NAA40: variants seen among roughly 807,000 people sequenced by gnomAD.
NAA40 encodes N-alpha-acetyltransferase 40.
A neutral mutation model predicts 36.6 loss-of-function variants in NAA40; 26 were observed. That is an observed-to-expected ratio of 0.71 (90% confidence interval 0.52 to 0.98). NAA40 has a LOEUF of 0.98. Among genes scored for constraint, NAA40 ranks in the 50% least tolerant of loss-of-function variants. The probability of loss-of-function intolerance (pLI) is 0.00; values close to 1 mark genes in which losing one functional copy is unlikely to be tolerated. For missense variants in NAA40, 237 were observed against 306.5 expected, an observed-to-expected ratio of 0.77 and a Z score of 1.69; for synonymous variants, 129 against 108.4, an observed-to-expected ratio of 1.19 and a Z score of -1.18.
intron 1 of NAA40, chr11:63,939,587 C>T: frequency 1.5e-6 from 1 of 646,220 alleles, no homozygotes; most frequent in Non-Finnish European, 1.9e-6. Context: ...AATCCCAGTC[C>T]ACTGCCCTTC....
chr11:63,946,621 T>A, intron 2 of NAA40: 1 of 1,308,262 alleles, frequency 7.6e-7, no homozygotes, highest in Non-Finnish European at 9.8e-7. Context: ...TGTAACCAGG[T>A]AAAGTCAGTG....
At chr11:63,939,446 C>T (rs1009448925) in intron 1 of NAA40, 1 of 1,089,934 alleles carries the variant, frequency 9.2e-7, no homozygotes, top group Non-Finnish European at 1.1e-6. Context: ...CATCACCTGG[C>T]TGTCACCAGC....
intron 2 of NAA40, 92 bp downstream of exon 2, chr11:63,946,027 G>A: frequency 8.9e-7 from 1 of 1,121,014 alleles, no homozygotes; most frequent in South Asian, 1.3e-5. Context: ...TGGCAGAATT[G>A]TGACACTACC....
chr11:63,951,965 T>C (rs942294788), intron 3 of NAA40, among the ~76,000 whole-genome samples: 12 of 152,204 alleles, frequency 7.9e-5, no homozygotes, highest in African/African-American at 2.9e-4. Flanking sequence ...GACAAGAAGT[T>C]TACAAAGTGC....
intron 6 of NAA40, 82 bp downstream of exon 6, chr11:63,952,921 T>G (rs1942304840): frequency 1.6e-6 from 2 of 1,258,898 alleles, no homozygotes; most frequent in Non-Finnish European, 2.3e-6. Context: ...TCTTTGAGCC[T>G]TGTTGGAGGA....
intron 1 of NAA40, among the ~76,000 whole-genome samples, chr11:63,944,863 A>C (rs1460700441): frequency 6.8e-6 from 1 of 147,438 alleles, no homozygotes; most frequent in East Asian, 2.0e-4. Context: ...AGATCTCACC[A>C]CTGCATTCCA....
chr11:63,946,844 C>T lies in NAA40; in HGVS notation c.103-107C>T, dbSNP rs766359736. The T allele has an allele frequency of 2.4e-5, 39 of 1,600,660 alleles. No individual in the cohort carries two copies. In the Admixed American group the frequency reaches 4.1e-4, roughly 17 times the overall value. ...GCTCCTGGTTCTGAAGTTAGTCTCC[C>T]GTTGTGGGTCCCCACAGCATCCCAC... is the stretch of plus-strand genomic sequence containing the variant. On this transcript the variant is annotated intron_variant, in intron 2 of 7. Transcript: ENST00000377793.
In NAA40 at chr11:63,956,958, G is replaced by T. The variant is rs1307135862; in HGVS notation, c.*2479G>T. On this transcript the variant is annotated 3_prime_UTR_variant, in exon 8 of 8. Coordinates refer to ENST00000377793, the MANE Select transcript of NAA40 (RefSeq NM_024771.4). ...ATTGCACTCCAGCCTAGGCGACAGA[G>T]TGAGACTCCATCTCAAAAAAAAAAA... is the stretch of plus-strand genomic sequence containing the variant. The T allele has an allele frequency of 6.7e-6, 1 of 149,504 alleles. No homozygotes were observed. The highest frequency in any genetic ancestry group is 1.5e-5 in the Non-Finnish European group (1 of 67,610). 9.3% of individuals were successfully genotyped at this position (149,504 alleles called of 1,614,324 possible).
chr11:63,950,499 C>A (rs1194465379), intron 3 of NAA40, among the ~76,000 whole-genome samples: 1 of 151,304 alleles, frequency 6.6e-6, no homozygotes, highest in Non-Finnish European at 1.5e-5. Flanking sequence ...GAGACAGAGT[C>A]TCGCCCAGGC....
chr11:63,939,558 C>A (rs940948139), intron 1 of NAA40: 88 of 933,678 alleles, frequency 9.4e-5, no homozygotes, highest in Non-Finnish European at 1.1e-4. Context: ...GGGCGTCAGA[C>A]CCCACCTTGG....
chr11:63,951,986 T>TA (rs1942286544), intron 3 of NAA40, among the ~76,000 whole-genome samples: 1 of 152,106 alleles, frequency 6.6e-6, no homozygotes, highest in African/African-American at 2.4e-5. Flanking sequence ...CGAGGCGGAT[T>TA]AGGACAGCTT....
intron 3 of NAA40, among the ~76,000 whole-genome samples, chr11:63,950,378 C>G (rs531140320): frequency 2.0e-5 from 3 of 152,158 alleles, no homozygotes; most frequent in East Asian, 3.9e-4. Flanking sequence ...CTCAACCTCC[C>G]GAAGTGCTGA....
chr11:63,947,172 C>T lies in NAA40; in HGVS notation c.155+169C>T, dbSNP rs374101551. On this transcript the variant is annotated intron_variant, in intron 3 of 7. Transcript: ENST00000377793. Reference sequence around the variant, plus strand: ...CTGTAATCCAAGCACTTTGGGAGACCGAGGTGGGTGGATCACATGAGGTCA... The same window carrying T: ...CTGTAATCCAAGCACTTTGGGAGACTGAGGTGGGTGGATCACATGAGGTCA... Among the ~76,000 whole-genome samples the T allele has an allele frequency of 3.4e-4, 51 of 152,186 alleles. No homozygotes were observed. In the East Asian group the frequency reaches 7.6e-3, roughly 23 times the overall value.
Position 63,952,262 on chromosome 11 carries a change from G to A in NAA40, c.180G>A (p.Lys60=). 6.2e-7 allele frequency: 1 copy of A among 1,613,276 alleles called. No individual in the cohort carries two copies. The highest frequency in any genetic ancestry group is 8.5e-7 in the Non-Finnish European group (1 of 1,179,576). Residue 60 remains lysine (K), a synonymous_variant, in exon 4 of 8, where the codon AAG becomes AAA. Coordinates refer to ENST00000377793, the MANE Select transcript of NAA40 (RefSeq NM_024771.4). The part of the protein sequence containing the change: ...RNGLNVSIEC[K]RVSGLEPATV... Reference sequence around the variant, plus strand: ...GGTTGAATGTCTCCATTGAATGTAAGCGAGTGTCTGGACTGGAGCCAGCCA... The same window carrying A: ...GGTTGAATGTCTCCATTGAATGTAAACGAGTGTCTGGACTGGAGCCAGCCA...
chr11:63,939,295 G>A (rs997681654), intron 1 of NAA40, 193 bp downstream of exon 1: 209 of 1,272,588 alleles, frequency 1.6e-4, no homozygotes, highest in Non-Finnish European at 2.0e-4. Context: ...CCTCTGGAGA[G>A]CCCCTGGTCC....
chr11:63,939,268 A>G (rs112449504), intron 1 of NAA40, 166 bp downstream of exon 1: 15 of 1,281,222 alleles, frequency 1.2e-5, no homozygotes, highest in Non-Finnish European at 1.3e-5. Context: ...TCCCTACGCT[A>G]GGCCTAGCCC....
At position 63,948,182 on chromosome 11, in the gene NAA40, C is replaced by G. The variant is rs948242583; in HGVS notation, c.155+1179C>G. Among the ~76,000 whole-genome samples, 3 of 152,152 alleles carry G rather than the reference C, an allele frequency of 2.0e-5. No individual in the cohort carries two copies. The East Asian group carries it at 5.8e-4, about 29-fold the overall frequency. Reference sequence around the variant, plus strand: ...ATGTCTCTTCAGGACTGATTATTCTCTCTGCAAAGAATCATTGAGCTGAAA... The same window carrying G: ...ATGTCTCTTCAGGACTGATTATTCTGTCTGCAAAGAATCATTGAGCTGAAA... On this transcript the variant is annotated intron_variant, in intron 3 of 7. Coordinates refer to ENST00000377793, the MANE Select transcript of NAA40 (RefSeq NM_024771.4).
Position 63,947,014 on chromosome 11 carries a change from T to C in NAA40, c.155+11T>C, listed in dbSNP as rs368956834. On this transcript the variant is annotated intron_variant, in intron 3 of 7. Coordinates refer to ENST00000377793, the MANE Select transcript of NAA40 (RefSeq NM_024771.4). ...ATATGATAGAAACGGGTGAGTCACA[T>C]TGAGCATTACCAACTGCTGTCTCCT... 3 of 1,613,020 alleles carry C rather than the reference T, an allele frequency of 1.9e-6. No individual in the cohort carries two copies. The highest frequency in any genetic ancestry group is 1.7e-6 in the Non-Finnish European group (2 of 1,179,062).
Position 63,957,212 on chromosome 11 carries a change from A to ATATTTTTTT in NAA40, c.*2734_*2735insATTTTTTTT, listed in dbSNP as rs1278673521. The stretch of plus-strand genomic sequence containing the variant: ...CCTTGATATATATATATATATATAT[A>ATATTTTTTT]TTTTTTTTTTTCTTTAGCAGCTTGT... On this transcript the variant is annotated 3_prime_UTR_variant, in exon 8 of 8. Coordinates refer to ENST00000377793, the MANE Select transcript of NAA40 (RefSeq NM_024771.4). 4 of 64,300 alleles carry ATATTTTTTT rather than the reference A, an allele frequency of 6.2e-5. No individual in the cohort carries two copies. The highest frequency in any genetic ancestry group is 1.7e-4 in the African/African-American group (4 of 23,942). The allele number at this position is 64,300 out of a possible 1,614,324, so 4.0% of individuals were successfully genotyped here.
Sources: gnomAD v4.1 joint callset for allele counts (sites outside exome capture counted in the v4.1 genomes callset) on GRCh38, gnomAD v4.1.1 for gene constraint, MANE v1.5 for transcripts, NCBI Gene and HGNC (gene_info 2026-07-23, HGNC 2026-07-21) for gene names.